Variants in ADGRB1 observed in about 807,000 individuals in gnomAD.
ADGRB1 encodes brain-specific angiogenesis inhibitor 1.
ADGRB1 carries 36 observed loss-of-function variants against 175.7 expected under a neutral mutation model. The ratio of observed to expected loss-of-function variants is 0.20; its 90% CI spans 0.16 to 0.27. The LOEUF (loss-of-function observed/expected upper bound fraction) is 0.27. Ranked by LOEUF, ADGRB1 falls within the 10% of genes least tolerant of loss-of-function variation. The pLI is 1.00. For synonymous variants in ADGRB1, 1,054 were observed against 979.4 expected (o/e 1.08, Z -1.42); for missense variants, 1,731 against 2,255.3 (o/e 0.77, Z 4.71).
At chr8:142,516,314 G>A (rs1192239346) in intron 18 of ADGRB1, among the ~76,000 whole-genome samples, 3 of 143,348 alleles carry the variant, frequency 2.1e-5, no homozygotes, top group African/African-American at 8.1e-5. Context: ...ATGCGTGTGT[G>A]CGGGCCCCAG....
intron 1 of ADGRB1, among the ~76,000 whole-genome samples, chr8:142,454,932 C>T (rs1293484906): frequency 1.3e-5 from 2 of 152,122 alleles, no homozygotes; most frequent in Admixed American, 1.3e-4. Flanking sequence ...CGGGGCTACC[C>T]TGCCTGGAGG....
chr8:142,533,592 C>T (rs1844753237), intron 25 of ADGRB1, 126 bp downstream of exon 25: 4 of 1,129,808 alleles, frequency 3.5e-6, no homozygotes, highest in Admixed American at 2.7e-5. Context: ...GACCCTGACA[C>T]ATCTGCAGGC....
Position 142,543,478 on chromosome 8 carries a change from A to G in ADGRB1, c.4449+40A>G. On this transcript the variant is annotated intron_variant, in intron 29 of 30. Transcript: ENST00000517894. This position sits in a 1 kb window ranked among gnomAD's most constrained non-coding sequence, Gnocchi z 4.4. ...CCCCCCCCACCAGACACTTAGGGCC[A>G]GATGTGCTCTGGGCTCCCACACGGC... 1 of 1,612,856 alleles carries G rather than the reference A, an allele frequency of 6.2e-7. No homozygotes were observed. Among genetic ancestry groups the G allele is most frequent in the African/African-American group, 1.3e-5 (1 of 75,010 alleles).
chr8:142,464,684 G>A lies in ADGRB1; in HGVS notation c.486G>A (p.Pro162=), dbSNP rs1230422922. 10 of 1,526,234 alleles carry A rather than the reference G, an allele frequency of 6.6e-6. No homozygotes were observed. In the East Asian group the frequency reaches 1.5e-4, roughly 23 times the overall value. 94.5% of individuals were successfully genotyped at this position (1,526,234 alleles called of 1,614,324 possible). Residue 162 remains proline (P), a synonymous_variant, in exon 2 of 31, where the codon CCG becomes CCA. Coordinates refer to ENST00000517894, the MANE Select transcript of ADGRB1 (RefSeq NM_001702.3). ...QHDGLRPRAG[P]PGPTDDFSVE... The stretch of plus-strand genomic sequence containing the variant: ...ACGGGCTCCGGCCCCGGGCCGGGCC[G>A]CCGGGCCCCACCGACGACTTCTCCG...
At chr8:142,523,698 G>A (rs1446967570) in intron 22 of ADGRB1, among the ~76,000 whole-genome samples, 3 of 150,762 alleles carry the variant, frequency 2.0e-5, no homozygotes, top group African/African-American at 4.9e-5. Flanking sequence ...TAGAGGGAAC[G>A]GTCCTTATTG....
chr8:142,480,835 G>T (rs1347816664), intron 9 of ADGRB1, among the ~76,000 whole-genome samples: 1 of 152,184 alleles, frequency 6.6e-6, no homozygotes. Context: ...GCACCCCAAG[G>T]CTGCCCCCAT....
Position 142,477,387 on chromosome 8 carries a change from C to G in ADGRB1, c.1225C>G (p.His409Asp). The G allele has an allele frequency of 6.2e-7, 1 of 1,605,480 alleles. No homozygotes were observed. The highest frequency in any genetic ancestry group is 8.5e-7 in the Non-Finnish European group (1 of 1,179,016). The change falls in exon 6 of 31, where the codon CAT (histidine) becomes GAT (aspartate). Residue 409 changes from histidine (H) to aspartate (D), a missense_variant and splice_region_variant. His to Asp is a moderately conservative substitution (Grantham distance 81). Around this residue, in one of 8 missense-constraint regions of ADGRB1, gnomAD observed 178 missense variants for 227.8 expected, o/e 0.78. Coordinates refer to ENST00000517894, the MANE Select transcript of ADGRB1 (RefSeq NM_001702.3). The part of the protein sequence containing the change: ...LCNNSAVCPV[H>D]GAWDEWSPWS... ...CAGCACCTTCCGTCCCTCTGCAGTGCATGGTGCCTGGGATGAGTGGTCGCC... is the reference window on the plus strand; with the variant it reads ...CAGCACCTTCCGTCCCTCTGCAGTGGATGGTGCCTGGGATGAGTGGTCGCC...
chr8:142,541,756 C>T (rs376933981), intron 27 of ADGRB1, among the ~76,000 whole-genome samples, 185 bp from the exon 28 acceptor site: 5 of 152,162 alleles, frequency 3.3e-5, no homozygotes, highest in African/African-American at 7.2e-5. Flanking sequence ...GGGGCCGTAG[C>T]GCCAGGCTTG....
At chr8:142,498,911 G>A (rs1842351728) in intron 17 of ADGRB1, among the ~76,000 whole-genome samples, 1 of 152,184 alleles carries the variant, frequency 6.6e-6, no homozygotes, top group African/African-American at 2.4e-5. Flanking sequence ...CCGCTAGTCT[G>A]CCTGCCAGAC....
chr8:142,497,149 G>A (rs1205027004), intron 17 of ADGRB1, among the ~76,000 whole-genome samples: 3 of 152,244 alleles, frequency 2.0e-5, no homozygotes, highest in Admixed American at 6.5e-5. Flanking sequence ...GGCCCAGAGT[G>A]CTCACTGGCA....
chr8:142,518,658 G>T (rs565749050), intron 19 of ADGRB1, among the ~76,000 whole-genome samples: 1 of 152,380 alleles, frequency 6.6e-6, no homozygotes, highest in African/African-American at 2.4e-5. Flanking sequence ...AGGGCTCTCA[G>T]CCTGCTGTCC....
In ADGRB1 at chr8:142,461,560, A is replaced by G. The variant is rs938817514; in HGVS notation, c.-219-2420A>G. ...AGACTCCGTGCCCGGCCGCAGGCCCACAGAGGCTGGTCCTTGTACACCCCA... is the reference window on the plus strand; with the variant it reads ...AGACTCCGTGCCCGGCCGCAGGCCCGCAGAGGCTGGTCCTTGTACACCCCA... On this transcript the variant is annotated intron_variant, in intron 1 of 30. Transcript: ENST00000517894. Among the ~76,000 whole-genome samples, 27 of 152,270 alleles carry G rather than the reference A, an allele frequency of 1.8e-4. 1 individual carries two copies. The highest frequency in any genetic ancestry group is 5.8e-4 in the African/African-American group (24 of 41,564).
Position 142,526,527 on chromosome 8 carries a change from C to CAAA in ADGRB1, c.3313-15_3313-14insAAA. 2 of 1,566,936 alleles carry CAAA rather than the reference C, an allele frequency of 1.3e-6. No homozygotes were observed. Among genetic ancestry groups the CAAA allele is most frequent in the Non-Finnish European group, 1.7e-6 (2 of 1,152,722 alleles). ...GGCCCCCACCCCCACACCCCCACCA[C>CAAA]TCTCTGCCCGGCAGGTGAACATGGT... On this transcript the variant is annotated splice_polypyrimidine_tract_variant and intron_variant, in intron 23 of 30. Transcript: ENST00000517894.
At chr8:142,453,680 G>A (rs948365355) in intron 1 of ADGRB1, among the ~76,000 whole-genome samples, 17 of 152,300 alleles carry the variant, frequency 1.1e-4, no homozygotes, top group Middle Eastern at 3.4e-3. Context: ...AGGGGGCAGG[G>A]GGCAAGGGGG....
chr8:142,491,678 C>T (rs1841988702), intron 17 of ADGRB1, among the ~76,000 whole-genome samples: 1 of 152,202 alleles, frequency 6.6e-6, no homozygotes. Flanking sequence ...GAGCGTGTTC[C>T]TCCGGCTCCC....
rs147922766 is a variant in ADGRB1 at position 142,510,452 on chromosome 8, C to T, written c.2676-480C>T. 6.6e-5 allele frequency among the ~76,000 whole-genome samples: 10 copies of T among 151,096 alleles called. No homozygotes were observed. In the East Asian group the frequency reaches 2.0e-3, roughly 30 times the overall value. ...GGGGCCGGAGAGCTCCGGAGCGGAC[C>T]CTCGCCGCGCTCCGAACCCGCCCCG... On this transcript the variant is annotated intron_variant, in intron 17 of 30. Coordinates refer to ENST00000517894, the MANE Select transcript of ADGRB1 (RefSeq NM_001702.3). The surrounding 1 kb of genome is among the most constrained non-coding windows in gnomAD (Gnocchi z 6.3).
chr8:142,542,677 A>T lies in ADGRB1; in HGVS notation c.4413+30A>T. 2.0e-6 allele frequency: 3 copies of T among 1,510,712 alleles called. No individual in the cohort carries two copies. The South Asian group carries it at 3.7e-5, about 19-fold the overall frequency. The allele number at this position is 1,510,712 out of a possible 1,614,324, so 93.6% of individuals were successfully genotyped here. On this transcript the variant is annotated intron_variant, in intron 28 of 30. Transcript: ENST00000517894. This position sits in a 1 kb window ranked among gnomAD's most constrained non-coding sequence, Gnocchi z 6.3. The stretch of plus-strand genomic sequence containing the variant: ...GGGGGGCAGGGGTGGGCCACACCCC[A>T]GCCAGCGAGGGCAGGGCTGCAGCAG...
chr8:142,541,102 G>A (rs899352131), intron 27 of ADGRB1, among the ~76,000 whole-genome samples: 7 of 152,064 alleles, frequency 4.6e-5, no homozygotes, highest in Non-Finnish European at 5.9e-5. Flanking sequence ...GGACACAGGG[G>A]GCAGGCCAGG....
In ADGRB1 at chr8:142,492,014, G is replaced by A. The variant is rs909148980; in HGVS notation, c.2675+1199G>A. On this transcript the variant is annotated intron_variant, in intron 17 of 30. Transcript: ENST00000517894. The surrounding 1 kb of genome is among the most constrained non-coding windows in gnomAD (Gnocchi z 4.4). ...CAGGCAGGGGCTCAGGGGAGGCCGC[G>A]GCAGGGTGAGGACAGTTAGTGGGGG... Among the ~76,000 whole-genome samples the A allele has an allele frequency of 6.6e-6, 1 of 151,956 alleles. No homozygotes were observed.
Sources: gnomAD v4.1 joint callset for allele counts (sites outside exome capture counted in the v4.1 genomes callset) on GRCh38, gnomAD v4.1.1 for gene constraint, gnomAD v4.1.1 regional missense constraint, Gnocchi (gnomAD v3.1) non-coding constraint, MANE v1.5 for transcripts, NCBI Gene and HGNC (gene_info 2026-07-23, HGNC 2026-07-21) for gene names.